MYO15B: variants seen among roughly 807,000 people sequenced by gnomAD.
The protein encoded by MYO15B is myosin XVB, also known as myosin XVB pseudogene.
A neutral mutation model predicts 119.3 loss-of-function variants in MYO15B; 207 were observed. The ratio of observed to expected loss-of-function variants is 1.73; its 90% CI spans 1.55 to 1.95. The LOEUF is 1.95. Ranked by LOEUF, MYO15B falls within the 30% of genes most tolerant of loss-of-function variation. MYO15B has a pLI of 0.00. For missense variants in MYO15B, 2,264 were observed against 1,203.1 expected (o/e 1.88, Z -13.04); for synonymous variants, 966 against 498.9 (o/e 1.94, Z -12.48).
Position 75,625,824 on chromosome 17 carries a change from T to G in MYO15B, c.8939-20T>G. 1.4e-6 allele frequency: 1 copy of G among 702,382 alleles called. No homozygotes were observed. The highest frequency in any genetic ancestry group is 2.6e-6 in the Non-Finnish European group (1 of 384,982). 43.5% of individuals were successfully genotyped at this position (702,382 alleles called of 1,614,324 possible). ...GGCCCCAGCAGTCAGATTTCCTGCC[T>G]GCACCCTCTCCACCCGCAGAGGCCA... On this transcript the variant is annotated intron_variant, in intron 61 of 63. Transcript: ENST00000645453.
chr17:75,613,300 T>C, exon 28 of MYO15B: 1 of 670,908 alleles, frequency 1.5e-6, no homozygotes, highest in Admixed American at 2.2e-5. Flanking sequence ...CAGGTTCGTG[T>C]CTGACCAGGC....
intron 19 of MYO15B, among the ~76,000 whole-genome samples, chr17:75,604,754 G>C (rs1228245429): frequency 4.0e-5 from 6 of 151,832 alleles, no homozygotes; most frequent in African/African-American, 9.7e-5. Flanking sequence ...TCAGCCCCCA[G>C]CTGAGCGCCT....
intron 59 of MYO15B, 37 bp from the exon 60 acceptor site, chr17:75,625,086 G>T: frequency 1.5e-6 from 1 of 668,320 alleles, no homozygotes; most frequent in South Asian, 1.6e-5. Context: ...GGGGGCTTTG[G>T]ACCACCGCTG....
rs2058465112 is a variant in MYO15B at position 75,617,735 on chromosome 17, T to C, written c.6815-75T>C. On this transcript the variant is annotated intron_variant, in intron 41 of 63. Coordinates refer to ENST00000645453, the Ensembl canonical transcript of MYO15B. The stretch of plus-strand genomic sequence containing the variant: ...CTTGGAAGGCTCGTGGGGATGAAGG[T>C]CTTCCCTCCCGTGCCCCCATCACTC... The C allele has an allele frequency of 4.7e-6, 3 of 637,814 alleles. No individual in the cohort carries two copies. The South Asian group carries it at 5.1e-5, about 11-fold the overall frequency. The allele number at this position is 637,814 out of a possible 1,614,324, so 39.5% of individuals were successfully genotyped here. A position where few individuals can be genotyped will look rare whatever the true frequency, so the allele number is the denominator to read the frequency against.
chr17:75,609,919 G>A (rs1285483238), intron 21 of MYO15B, among the ~76,000 whole-genome samples: 1 of 152,068 alleles, frequency 6.6e-6, no homozygotes, highest in African/African-American at 2.4e-5. Flanking sequence ...TTGAACTCCT[G>A]ACCTCAAGTG....
chr17:75,593,575 A>G (rs188771692), intron 9 of MYO15B, among the ~76,000 whole-genome samples: 1 of 149,906 alleles, frequency 6.7e-6, no homozygotes, highest in East Asian at 2.0e-4. Flanking sequence ...GCGCCACTGT[A>G]CTCCATCCAG....
exon 15 of MYO15B, chr17:75,601,505 C>G: frequency 1.4e-6 from 1 of 703,136 alleles, no homozygotes; most frequent in South Asian, 1.5e-5. Context: ...TATGCCAAGC[C>G]CCGGCTGCCC....
At position 75,594,688 on chromosome 17, in the gene MYO15B, C is replaced by T; in HGVS notation, c.3106-13C>T. The T allele has an allele frequency of 1.4e-6, 1 of 702,996 alleles. No homozygotes were observed. Among genetic ancestry groups the T allele is most frequent in the South Asian group, 1.5e-5 (1 of 67,602 alleles). The allele number at this position is 702,996 out of a possible 1,614,324, so 43.5% of individuals were successfully genotyped here. On this transcript the variant is annotated splice_polypyrimidine_tract_variant and intron_variant, in intron 10 of 63. Transcript: ENST00000645453. ...AGGCCTGACACACCAGCTGTGCCTC[C>T]TCTGCCCTCCAGGAGACGCCCTATG... is the stretch of plus-strand genomic sequence containing the variant.
intron 21 of MYO15B, among the ~76,000 whole-genome samples, chr17:75,608,837 G>A (rs1049885593): frequency 1.3e-5 from 2 of 151,994 alleles, no homozygotes; most frequent in Admixed American, 6.6e-5. Flanking sequence ...GGGTTCAAGC[G>A]ATTCTCCTGC....
chr17:75,590,595 T>A (rs2147692358), intron 1 of MYO15B, 31 bp from the exon 2 acceptor site: 1 of 242,626 alleles, frequency 4.1e-6, no homozygotes, highest in Non-Finnish European at 7.9e-6. Context: ...CAGCCACAAC[T>A]TGTCATGCCT....
chr17:75,609,786 A>G (rs1040009583), intron 21 of MYO15B, among the ~76,000 whole-genome samples: 1 of 148,646 alleles, frequency 6.7e-6, no homozygotes, highest in Non-Finnish European at 1.5e-5. Flanking sequence ...GCTCACTTGA[A>G]TCTCCACCTC....
At position 75,620,452 on chromosome 17, in the gene MYO15B, C is replaced by G; in HGVS notation, c.7556-15C>G. The G allele has an allele frequency of 1.4e-6, 1 of 702,504 alleles. No homozygotes were observed. The highest frequency in any genetic ancestry group is 2.6e-6 in the Non-Finnish European group (1 of 384,762). 43.5% of individuals were successfully genotyped at this position (702,504 alleles called of 1,614,324 possible). On this transcript the variant is annotated splice_polypyrimidine_tract_variant and intron_variant, in intron 48 of 63. Coordinates refer to ENST00000645453, the Ensembl canonical transcript of MYO15B. ...AGGGTCCAGTGGGTGAGCCACATCC[C>G]TGGGTGCCTTCCAGGCTGGCAGTTT...
exon 27 of MYO15B, chr17:75,613,183 G>T: frequency 1.4e-6 from 1 of 700,130 alleles, no homozygotes; most frequent in Non-Finnish European, 2.6e-6. Context: ...TTCCCCCACT[G>T]CCTGTCCTAC....
rs1287136520 is a variant in MYO15B at position 75,610,958 on chromosome 17, TGGTA to T, written c.4446+3_4446+6del. 1 of 702,828 alleles carries T rather than the reference TGGTA, an allele frequency of 1.4e-6. No homozygotes were observed. The highest frequency in any genetic ancestry group is 2.7e-5 in the East Asian group (1 of 37,284). 43.5% of individuals were successfully genotyped at this position (702,828 alleles called of 1,614,324 possible). A position where few individuals can be genotyped will look rare whatever the true frequency, so the allele number is the denominator to read the frequency against. Reference sequence around the variant, plus strand: ...AGGGCCTTGGAGAGAGTGCCAAGCATGGTAGGTGGCCTGGAAAGTGGGGGGTTTT... The same window carrying T: ...AGGGCCTTGGAGAGAGTGCCAAGCATGGTGGCCTGGAAAGTGGGGGGTTTT... On this transcript the variant is annotated splice_donor_variant and splice_donor_region_variant and coding_sequence_variant and intron_variant, in exon 23 of 64. Transcript: ENST00000645453. LOFTEE classifies it high-confidence loss of function.
intron 22 of MYO15B, among the ~76,000 whole-genome samples, chr17:75,610,468 A>G (rs1017606155): frequency 6.0e-5 from 9 of 149,540 alleles, no homozygotes; most frequent in African/African-American, 2.0e-4. Context: ...ATCCCTGCCT[A>G]CTCTCCCCAG....
Position 75,624,741 on chromosome 17 carries a change from A to G in MYO15B, c.8543-30A>G, listed in dbSNP as rs768169843. 6 of 702,504 alleles carry G rather than the reference A, an allele frequency of 8.5e-6. No homozygotes were observed. In the East Asian group the frequency reaches 1.1e-4, roughly 13 times the overall value. 43.5% of individuals were successfully genotyped at this position (702,504 alleles called of 1,614,324 possible). Reference sequence around the variant, plus strand: ...GGCAGGGCCGGGTGTGTGTGGTCTGAGCAGCAGTGGACCTAGGCTCCCCAT... The same window carrying G: ...GGCAGGGCCGGGTGTGTGTGGTCTGGGCAGCAGTGGACCTAGGCTCCCCAT... On this transcript the variant is annotated intron_variant, in intron 58 of 63. Coordinates refer to ENST00000645453, the Ensembl canonical transcript of MYO15B.
chr17:75,604,081 C>G (rs1335915963), intron 19 of MYO15B, among the ~76,000 whole-genome samples: 4 of 152,142 alleles, frequency 2.6e-5, no homozygotes, highest in Non-Finnish European at 5.9e-5. Context: ...GGTTGGGGGA[C>G]TGAGCAAAAG....
exon 1 of MYO15B, chr17:75,588,892 A>T: frequency 2.5e-6 from 1 of 398,452 alleles, no homozygotes; most frequent in East Asian, 3.6e-5. Flanking sequence ...CAAGGACGCG[A>T]GCGACAACCG....
In MYO15B at chr17:75,599,702, C is replaced by A. The variant is rs1012263822; in HGVS notation, c.3526-1736C>A. ...CGGGCAGATCACGAGGTCAGGAGAT[C>A]GAGACCACAGTGTAAACCCTGTCTC... On this transcript the variant is annotated intron_variant, in intron 14 of 63. Coordinates refer to ENST00000645453, the Ensembl canonical transcript of MYO15B. Among the ~76,000 whole-genome samples, 7 of 151,578 alleles carry A rather than the reference C, an allele frequency of 4.6e-5. No homozygotes were observed. In the East Asian group the frequency reaches 1.4e-3, roughly 30 times the overall value.
Sources: gnomAD v4.1 joint callset for allele counts (sites outside exome capture counted in the v4.1 genomes callset) on GRCh38, gnomAD v4.1.1 for gene constraint, MANE v1.5 for transcripts, NCBI Gene and HGNC (gene_info 2026-07-23, HGNC 2026-07-21) for gene names.